Variants in DISP3 observed in about 807,000 individuals in gnomAD.
DISP3 encodes protein dispatched homolog 3.
Under a neutral mutation model 135.3 loss-of-function variants are expected in DISP3, and 101 were observed. The observed-to-expected ratio is 0.75, with a 90% CI of 0.64 to 0.88. DISP3 has a LOEUF of 0.88. DISP3 is among the 40% of genes least tolerant of loss of function. The probability of loss-of-function intolerance (pLI) is 0.00; values close to 1 mark genes in which losing one functional copy is unlikely to be tolerated. For missense variants in DISP3, 1,713 were observed against 1,878.6 expected (o/e 0.91, Z 1.63); for synonymous variants, 856 against 817.0 (o/e 1.05, Z -0.81).
At position 11,529,842 on chromosome 1, in the gene DISP3, C is replaced by T. The variant is rs1642528410; in HGVS notation, c.2985C>T (p.Gly995=). The part of the protein sequence containing the change: ...TFGFNPCVNT[G]CGKPAVRPLV... ...GCTTCAACCCCTGCGTGAACACGGG[C>T]TGCGGGAAGCCGGCGGTGCGGCCAC... The change falls in exon 15 of 21, where the codon GGC becomes GGT. Residue 995 remains glycine (G), a synonymous_variant. Coordinates refer to ENST00000294484, the MANE Select transcript of DISP3 (RefSeq NM_020780.2). The surrounding 1 kb of genome is among the most constrained non-coding windows in gnomAD (Gnocchi z 4.7). 2 of 1,614,028 alleles carry T rather than the reference C, an allele frequency of 1.2e-6. No individual in the cohort carries two copies.
Position 11,520,016 on chromosome 1 carries a change from C to T in DISP3, c.2200+136C>T, listed in dbSNP as rs74055723. 6.5e-5 allele frequency: 53 copies of T among 815,384 alleles called. No homozygotes were observed. The highest frequency in any genetic ancestry group is 2.9e-4 in the South Asian group (16 of 56,066). The allele number at this position is 815,384 out of a possible 1,614,324, so 50.5% of individuals were successfully genotyped here. The stretch of plus-strand genomic sequence containing the variant: ...TGGGGTCTCTCCCTCTCTGACCCCC[C>T]CTCTTTCCTGTGCAGAATGAAGCCG... On this transcript the variant is annotated intron_variant, in intron 9 of 20. Coordinates refer to ENST00000294484, the MANE Select transcript of DISP3 (RefSeq NM_020780.2). The surrounding 1 kb of genome is among the most constrained non-coding windows in gnomAD (Gnocchi z 4.8).
intron 3 of DISP3, among the ~76,000 whole-genome samples, chr1:11,506,759 G>A (rs1641716107): frequency 6.6e-6 from 1 of 152,020 alleles, no homozygotes; most frequent in African/African-American, 2.4e-5. Context: ...ACTTGGTTTG[G>A]GATCCTGTGT....
At chr1:11,523,071 C>T (rs12759679) in intron 10 of DISP3, among the ~76,000 whole-genome samples, 73,763 of 152,128 alleles carry the variant, frequency 0.48, 21,961 homozygotes, top group Non-Finnish European at 0.65. Flanking sequence ...CAGAGTGCTT[C>T]GGCTTTACAA....
chr1:11,495,939 CACAT>C (rs1190981681), intron 1 of DISP3, among the ~76,000 whole-genome samples: 1 of 152,204 alleles, frequency 6.6e-6, no homozygotes, highest in African/African-American at 2.4e-5. Flanking sequence ...CACACATACA[CACAT>C]ATTCTATTTT....
chr1:11,503,714 A>G (rs1641620181), intron 3 of DISP3, among the ~76,000 whole-genome samples: 1 of 152,176 alleles, frequency 6.6e-6, no homozygotes, highest in African/African-American at 2.4e-5. Flanking sequence ...GCAATGCTTT[A>G]TGAGTTCTCT....
chr1:11,498,205 G>A (rs573182515), intron 1 of DISP3, among the ~76,000 whole-genome samples: 9 of 152,350 alleles, frequency 5.9e-5, no homozygotes, highest in African/African-American at 1.9e-4. Flanking sequence ...TAACTATCGT[G>A]CATTCCGCGG....
chr1:11,498,170 C>T (rs1641394262), intron 1 of DISP3, among the ~76,000 whole-genome samples: 1 of 152,238 alleles, frequency 6.6e-6, no homozygotes, highest in Non-Finnish European at 1.5e-5. Flanking sequence ...TGTAACAAAA[C>T]ATCCCAGAGT....
At chr1:11,527,617 C>T (rs549156956) in intron 13 of DISP3, among the ~76,000 whole-genome samples, 1 of 152,058 alleles carries the variant, frequency 6.6e-6, no homozygotes, top group Non-Finnish European at 1.5e-5. Context: ...GGTCTCTGCC[C>T]AGGGCTGGGG....
At chr1:11,511,584 G>C (rs1390830886) in intron 3 of DISP3, among the ~76,000 whole-genome samples, 1 of 152,200 alleles carries the variant, frequency 6.6e-6, no homozygotes, top group Non-Finnish European at 1.5e-5. Context: ...TGGCTTTACA[G>C]GGTACAGCCT....
intron 1 of DISP3, 130 bp downstream of exon 1, chr1:11,479,502 C>G (rs1022569407): frequency 6.6e-6 from 1 of 152,340 alleles, no homozygotes; most frequent in African/African-American, 2.4e-5. Context: ...GAAGTTCTCT[C>G]GCTCTCCAGC....
rs933424446 is a variant in DISP3, at chr1:11,520,849, G to A, written c.2362+1G>A. The A allele has an allele frequency of 1.3e-6, 2 of 1,597,126 alleles. No individual in the cohort carries two copies. The highest frequency in any genetic ancestry group is 2.3e-5 in the East Asian group (1 of 44,084). ...GGCATCTCCTGCATCACCTGTTCAG[G>A]TGAGGCTTCTAGCCAGGCTGTCCCT... On this transcript the variant is annotated splice_donor_variant, in intron 10 of 20. Coordinates refer to ENST00000294484, the MANE Select transcript of DISP3 (RefSeq NM_020780.2). LOFTEE classifies it high-confidence loss of function. The surrounding 1 kb of genome is among the most constrained non-coding windows in gnomAD (Gnocchi z 4.8).
At chr1:11,515,573 G>T in intron 5 of DISP3, 70 bp downstream of exon 5, 1 of 1,537,402 alleles carries the variant, frequency 6.5e-7, no homozygotes, top group Non-Finnish European at 8.7e-7. Flanking sequence ...CTTTCTCCCT[G>T]GATACAAAGC....
intron 1 of DISP3, among the ~76,000 whole-genome samples, chr1:11,498,034 C>T (rs1641389363): frequency 6.6e-6 from 1 of 152,220 alleles, no homozygotes; most frequent in South Asian, 2.1e-4. Context: ...GTGGGGCTCT[C>T]ACTGGGAGGT....
chr1:11,502,072 C>G lies in DISP3; in HGVS notation c.1080C>G (p.Asp360Glu), dbSNP rs1224892677. The G allele has an allele frequency of 3.2e-6, 5 of 1,566,174 alleles. No individual in the cohort carries two copies. The highest frequency in any genetic ancestry group is 1.4e-5 in the African/African-American group (1 of 73,198). The change falls in exon 2 of 21, where the codon GAC becomes GAG. Residue 360 changes from aspartate (D) to glutamate (E), a missense_variant. By Grantham distance (45) the Asp-to-Glu change is conservative. Transcript: ENST00000294484. ...GKIYYDGMGQ[D>E]LADIRGSLEL... ...TCTACTATGACGGCATGGGCCAGGA[C>G]CTGGCGGACATCCGGGGTGAGCCGC...
At chr1:11,530,101 A>G (rs1026765078) in intron 15 of DISP3, 142 bp downstream of exon 15, 12 of 1,152,480 alleles carry the variant, frequency 1.0e-5, no homozygotes, top group Admixed American at 5.6e-5. Flanking sequence ...CAGAACCCCT[A>G]TGGGCCCCTG....
chr1:11,481,213 G>A (rs774729074), intron 1 of DISP3: 2 of 152,178 alleles, frequency 1.3e-5, no homozygotes, highest in African/African-American at 4.8e-5. Flanking sequence ...CTGACCCTTA[G>A]GGGGAGCTGA....
chr1:11,502,990 C>A, intron 3 of DISP3, 93 bp downstream of exon 3: 3 of 1,152,538 alleles, frequency 2.6e-6, no homozygotes, highest in South Asian at 1.6e-5. Context: ...TCCCTATAAT[C>A]TTTTCCTTTG....
intron 4 of DISP3, among the ~76,000 whole-genome samples, 185 bp downstream of exon 4, chr1:11,514,711 G>T (rs1481710862): frequency 1.3e-5 from 2 of 152,198 alleles, no homozygotes; most frequent in Non-Finnish European, 2.9e-5. Flanking sequence ...AGGCAGGTTG[G>T]GCTGTACCAG....
rs111702617 is a variant in DISP3, at chr1:11,519,543, G to C, written c.2038+40G>C. The C allele has an allele frequency of 6.2e-7, 1 of 1,604,902 alleles. No homozygotes were observed. The highest frequency in any genetic ancestry group is 8.5e-7 in the Non-Finnish European group (1 of 1,174,406). Reference sequence around the variant, plus strand: ...AGGCCTGCCCTACTGACCCCAGTGAGACCCAGCGCTGCCTCTGCCAGGGGA... The same window carrying C: ...AGGCCTGCCCTACTGACCCCAGTGACACCCAGCGCTGCCTCTGCCAGGGGA... On this transcript the variant is annotated intron_variant, in intron 8 of 20. Coordinates refer to ENST00000294484, the MANE Select transcript of DISP3 (RefSeq NM_020780.2). This position sits in a 1 kb window ranked among gnomAD's most constrained non-coding sequence, Gnocchi z 4.3.
Sources: allele counts gnomAD v4.1 joint callset (sites outside exome capture counted in the v4.1 genomes callset), GRCh38; gene constraint gnomAD v4.1.1; non-coding constraint Gnocchi (gnomAD v3.1); transcripts MANE v1.5; gene names NCBI Gene and HGNC (gene_info 2026-07-23, HGNC 2026-07-21).